Variants in LRMDA observed in about 807,000 individuals in gnomAD.
LRMDA encodes leucine rich melanocyte differentiation associated, also known as leucine-rich melanocyte differentiation-associated protein.
In LRMDA, 18 loss-of-function variants were observed where a neutral mutation model predicts 29.8. The observed-to-expected ratio is 0.60, with a 90% CI of 0.42 to 0.90. The LOEUF is 0.90. Among genes scored for constraint, LRMDA ranks in the 40% least tolerant of loss-of-function variants. The pLI, the probability that LRMDA is intolerant of heterozygous loss-of-function variation, is 0.00. For missense variants in LRMDA, 273 were observed against 273.9 expected, an observed-to-expected ratio of 1.00 and a Z score of 0.02; for synonymous variants, 125 against 109.4, an observed-to-expected ratio of 1.14 and a Z score of -0.89.
rs187165974 is a variant in LRMDA at position 75,492,153 on chromosome 10, C to G, written c.131+53659C>G. The stretch of plus-strand genomic sequence containing the variant: ...AGGAGAGCCTACGAGTAATTTCTGC[C>G]TTGGCATGTGACCATGGTGCCTTGG... On this transcript the variant is annotated intron_variant, in intron 2 of 6. Transcript: ENST00000611255. 2.6e-3 allele frequency among the ~76,000 whole-genome samples: 403 copies of G among 152,328 alleles called. 2 individuals carry two copies. Among genetic ancestry groups the G allele is most frequent in the African/African-American group, 9.3e-3 (387 of 41,574 alleles).
intron 5 of LRMDA, among the ~76,000 whole-genome samples, chr10:76,228,651 G>A (rs1005427249): frequency 1.3e-5 from 2 of 152,152 alleles, no homozygotes; most frequent in Non-Finnish European, 2.9e-5. Flanking sequence ...GCGAGTCCAG[G>A]TGGAGCCATG....
intron 6 of LRMDA, among the ~76,000 whole-genome samples, chr10:76,492,117 T>C (rs1387130108): frequency 1.3e-5 from 2 of 152,088 alleles, no homozygotes; most frequent in African/African-American, 4.8e-5. Context: ...TTGAATTTCT[T>C]TGAGCTTCCT....
intron 6 of LRMDA, among the ~76,000 whole-genome samples, chr10:76,387,552 A>G (rs10762723): frequency 0.34 from 51,551 of 151,594 alleles, 12,843 homozygotes; most frequent in African/African-American, 0.69. Flanking sequence ...GCAGCGAGGT[A>G]TGATCATGCC....
At chr10:76,406,520 G>A (rs969061952) in intron 6 of LRMDA, among the ~76,000 whole-genome samples, 2 of 152,206 alleles carry the variant, frequency 1.3e-5, no homozygotes, top group East Asian at 3.9e-4. Context: ...AAATGTTCCA[G>A]CCTCTCATGG....
chr10:76,417,002 G>A lies in LRMDA; in HGVS notation c.601+92517G>A, dbSNP rs145254568. On this transcript the variant is annotated intron_variant, in intron 6 of 6. Coordinates refer to ENST00000611255, the MANE Select transcript of LRMDA (RefSeq NM_001305581.2). ...AAATGTTTCACTCACTAATGAGCTG[G>A]ACAATTCTACTCTGTGAATTTAACT... 2.8e-3 allele frequency among the ~76,000 whole-genome samples: 421 copies of A among 152,274 alleles called. 1 individual carries two copies. Among genetic ancestry groups the A allele is most frequent in the African/African-American group, 9.5e-3 (394 of 41,554 alleles).
chr10:75,594,288 T>G lies in LRMDA; in HGVS notation c.131+155794T>G, dbSNP rs537691533. Among the ~76,000 whole-genome samples, 182 of 152,296 alleles carry G rather than the reference T, an allele frequency of 1.2e-3. No individual in the cohort carries two copies. In the Middle Eastern group the frequency reaches 0.014, roughly 11 times the overall value. ...TTGCTCAGTGAACGGTAGTTGGTGC[T>G]TTCTCCTAGGCCACCAGGGAATACC... On this transcript the variant is annotated intron_variant, in intron 2 of 6. Coordinates refer to ENST00000611255, the MANE Select transcript of LRMDA (RefSeq NM_001305581.2).
At chr10:76,032,785 G>C (rs1049309985) in intron 2 of LRMDA, among the ~76,000 whole-genome samples, 1 of 152,124 alleles carries the variant, frequency 6.6e-6, no homozygotes, top group African/African-American at 2.4e-5. Flanking sequence ...GGTCCTGGGT[G>C]AACCTTGCTC....
chr10:75,542,714 G>A (rs1485274963), intron 2 of LRMDA, among the ~76,000 whole-genome samples: 1 of 152,182 alleles, frequency 6.6e-6, no homozygotes, highest in Non-Finnish European at 1.5e-5. Flanking sequence ...CCCCCAATGG[G>A]GTGAGAATAT....
chr10:75,809,137 C>T (rs1843911697), intron 2 of LRMDA, among the ~76,000 whole-genome samples: 1 of 152,184 alleles, frequency 6.6e-6, no homozygotes. Flanking sequence ...TTCATAGCCA[C>T]CTCCCCAGAG....
chr10:75,872,289 T>C (rs1161832419), intron 2 of LRMDA, among the ~76,000 whole-genome samples: 1 of 151,232 alleles, frequency 6.6e-6, no homozygotes, highest in East Asian at 1.9e-4. Context: ...CGTTCTATTC[T>C]CTCTCTCTCT....
Position 76,161,618 on chromosome 10 carries a change from A to G in LRMDA, c.516+102835A>G, listed in dbSNP as rs139792152. On this transcript the variant is annotated intron_variant, in intron 5 of 6. Transcript: ENST00000611255. The stretch of plus-strand genomic sequence containing the variant: ...AGGCTGTTCTGTATTAGAAAGACAC[A>G]GCCCAAGATAGTCAGACTACAACGC... Among the ~76,000 whole-genome samples, 178 of 152,358 alleles carry G rather than the reference A, an allele frequency of 1.2e-3. No individual in the cohort carries two copies. The East Asian group carries it at 0.015, about 13-fold the overall frequency.
intron 2 of LRMDA, among the ~76,000 whole-genome samples, chr10:75,836,494 C>T (rs929250599): frequency 6.6e-6 from 1 of 152,162 alleles, no homozygotes; most frequent in African/African-American, 2.4e-5. Flanking sequence ...TGCTAAAGGG[C>T]AGTAAGTATG....
intron 2 of LRMDA, among the ~76,000 whole-genome samples, chr10:75,694,742 G>T (rs1411001936): frequency 6.6e-6 from 1 of 152,056 alleles, no homozygotes; most frequent in Non-Finnish European, 1.5e-5. Flanking sequence ...CTGAAATATC[G>T]GCTGTATATG....
At position 75,873,857 on chromosome 10, in the gene LRMDA, T is replaced by G. The variant is rs200346883; in HGVS notation, c.132-162151T>G. ...GCAGAATTGTGACTACCTATGGCTT[T>G]CCTGTCACTGTATAGTATCAGGTCT... On this transcript the variant is annotated intron_variant, in intron 2 of 6. Transcript: ENST00000611255. Among the ~76,000 whole-genome samples the G allele has an allele frequency of 9.2e-5, 14 of 152,332 alleles. No individual in the cohort carries two copies. The East Asian group carries it at 2.7e-3, about 29-fold the overall frequency.
At chr10:75,651,360 G>A (rs1026534801) in intron 2 of LRMDA, among the ~76,000 whole-genome samples, 2 of 152,086 alleles carry the variant, frequency 1.3e-5, no homozygotes, top group Non-Finnish European at 2.9e-5. Flanking sequence ...TGAGGGTATC[G>A]CTCAGCCCTG....
chr10:76,401,307 C>T (rs536773474), intron 6 of LRMDA, among the ~76,000 whole-genome samples: 1 of 152,238 alleles, frequency 6.6e-6, no homozygotes, highest in East Asian at 1.9e-4. Flanking sequence ...TGGAACTATT[C>T]GTTTATTTAC....
intron 5 of LRMDA, among the ~76,000 whole-genome samples, chr10:76,105,645 C>T (rs1467976365): frequency 6.6e-6 from 1 of 152,150 alleles, no homozygotes; most frequent in Non-Finnish European, 1.5e-5. Context: ...CTGGAAGCGG[C>T]AAGGATGGAT....
intron 2 of LRMDA, among the ~76,000 whole-genome samples, chr10:75,708,610 G>A (rs1842398111): frequency 6.6e-6 from 1 of 152,054 alleles, no homozygotes; most frequent in African/African-American, 2.4e-5. Flanking sequence ...CCTGGGATGA[G>A]GCATGGGGTT....
chr10:76,350,808 C>T (rs1241055937), intron 6 of LRMDA, among the ~76,000 whole-genome samples: 1 of 152,062 alleles, frequency 6.6e-6, no homozygotes, highest in Admixed American at 6.6e-5. Flanking sequence ...TCTTGAATAT[C>T]ACTTTGTAGT....
Sources: gnomAD v4.1 joint callset for allele counts (sites outside exome capture counted in the v4.1 genomes callset) on GRCh38, gnomAD v4.1.1 for gene constraint, MANE v1.5 for transcripts, NCBI Gene and HGNC (gene_info 2026-07-23, HGNC 2026-07-21) for gene names.